Variants in KIAA1217 observed in about 807,000 individuals in gnomAD.
KIAA1217 encodes the protein KIAA1217.
Under a neutral mutation model 163.9 loss-of-function variants are expected in KIAA1217, and 88 were observed. The observed-to-expected ratio is 0.54, with a 90% confidence interval of 0.45 to 0.64. The LOEUF (loss-of-function observed/expected upper bound fraction) is 0.64, where lower values mean the gene tolerates loss of function less well. KIAA1217 is among the 30% of genes least tolerant of loss of function. The pLI is 0.00. For synonymous variants in KIAA1217, 903 were observed against 923.1 expected (o/e 0.98, Z 0.39); for missense variants, 2,372 against 2,475.0 (o/e 0.96, Z 0.88).
intron 8 of KIAA1217, among the ~76,000 whole-genome samples, chr10:24,499,687 A>G (rs1262920515): frequency 6.6e-6 from 1 of 151,542 alleles, no homozygotes; most frequent in African/African-American, 2.4e-5. Flanking sequence ...AGCCAAGATC[A>G]TGCCACTGCA....
At chr10:24,499,434 G>A (rs2067230132) in intron 8 of KIAA1217, among the ~76,000 whole-genome samples, 1 of 152,186 alleles carries the variant, frequency 6.6e-6, no homozygotes, top group Non-Finnish European at 1.5e-5. Context: ...GACCATTTAG[G>A]CTTAGAAACA....
chr10:24,533,208 G>A lies in KIAA1217; in HGVS notation c.3385G>A (p.Glu1129Lys), dbSNP rs745763445. 5.6e-6 allele frequency: 9 copies of A among 1,613,036 alleles called. No homozygotes were observed. The East Asian group carries it at 1.6e-4, about 28-fold the overall frequency. Residue 1129 changes from glutamate (E) to lysine (K), a missense_variant, in exon 16 of 21, where the codon GAA (glutamate) becomes AAA (lysine). Transcript: ENST00000376454. ...SSKDEEEEEE[E>K]GDKIMAELQA... ...AAAGGATGAGGAGGAAGAAGAAGAA[G>A]AAGGAGACAAAATAATGGCAGAACT...
At chr10:23,733,166 A>G (rs984791117) in intron 1 of KIAA1217, among the ~76,000 whole-genome samples, 1 of 151,952 alleles carries the variant, frequency 6.6e-6, no homozygotes, top group African/African-American at 2.4e-5. Flanking sequence ...GATGCCCGCC[A>G]CCACACCCGG....
At chr10:23,781,178 C>A (rs999530245) in intron 1 of KIAA1217, among the ~76,000 whole-genome samples, 2 of 152,150 alleles carry the variant, frequency 1.3e-5, no homozygotes, top group African/African-American at 4.8e-5. Context: ...TTTTGAGGAA[C>A]CTCTAAACTG....
At chr10:24,196,920 C>A (rs1419956145) in intron 2 of KIAA1217, among the ~76,000 whole-genome samples, 1 of 152,126 alleles carries the variant, frequency 6.6e-6, no homozygotes, top group African/African-American at 2.4e-5. Context: ...GAGTTGGTTG[C>A]CTTTATTTAC....
At chr10:24,006,324 AC>A (rs1184197592) in intron 1 of KIAA1217, among the ~76,000 whole-genome samples, 3 of 152,190 alleles carry the variant, frequency 2.0e-5, no homozygotes, top group African/African-American at 7.2e-5. Context: ...GTGTTCAATT[AC>A]CTTTTTCCAT....
At chr10:23,718,598 C>T (rs1466871309) in intron 1 of KIAA1217, among the ~76,000 whole-genome samples, 5 of 148,900 alleles carry the variant, frequency 3.4e-5, no homozygotes, top group South Asian at 2.1e-4. Flanking sequence ...TATTGTGATA[C>T]GGAATAAATT....
intron 1 of KIAA1217, among the ~76,000 whole-genome samples, chr10:23,868,671 A>T (rs1484124221): frequency 6.6e-6 from 1 of 151,990 alleles, no homozygotes; most frequent in Non-Finnish European, 1.5e-5. Context: ...CTTGTGACCA[A>T]CCTCTAGGAC....
chr10:24,525,185 C>A (rs2071938240), intron 13 of KIAA1217, among the ~76,000 whole-genome samples: 1 of 152,174 alleles, frequency 6.6e-6, no homozygotes, highest in African/African-American at 2.4e-5. Context: ...TGACATGACA[C>A]CACTACTGCT....
intron 2 of KIAA1217, among the ~76,000 whole-genome samples, chr10:24,240,555 A>C (rs775486559): frequency 2.0e-5 from 3 of 152,172 alleles, no homozygotes; most frequent in Admixed American, 1.3e-4. Flanking sequence ...CCAACATCGG[A>C]AGTTCTGGGC....
Position 23,790,378 on chromosome 10 carries a change from T to C in KIAA1217, c.-321+95144T>C, listed in dbSNP as rs368668763. Among the ~76,000 whole-genome samples the C allele has an allele frequency of 1.2e-3, 100 of 86,250 alleles. 19 individuals are homozygous for C. The highest frequency in any genetic ancestry group is 6.4e-3 in the South Asian group (20 of 3,146). The allele number at this position is 86,250 out of a possible 152,430, so 56.6% of individuals were successfully genotyped here. ...ATATGCATATATACATATACATATGTATATATACATATGTATATATACATA... is the reference window on the plus strand; with the variant it reads ...ATATGCATATATACATATACATATGCATATATACATATGTATATATACATA... On this transcript the variant is annotated intron_variant, in intron 1 of 18. Coordinates refer to the KIAA1217 transcript ENST00000376462.
chr10:24,271,602 A>G (rs2131972760), intron 2 of KIAA1217, among the ~76,000 whole-genome samples: 1 of 152,108 alleles, frequency 6.6e-6, no homozygotes, highest in Non-Finnish European at 1.5e-5. Context: ...AATTATAATA[A>G]TTAGCCAGGC....
At chr10:23,799,129 T>A (rs2130952270) in intron 1 of KIAA1217, among the ~76,000 whole-genome samples, 1 of 152,286 alleles carries the variant, frequency 6.6e-6, no homozygotes, top group Admixed American at 6.5e-5. Flanking sequence ...CATGGTGTTC[T>A]CCCTGTATGT....
rs2071183939 is a variant in KIAA1217, at chr10:24,521,047, T to TTG, written c.2309-734_2309-733insGT. On this transcript the variant is annotated intron_variant, in intron 11 of 20. Coordinates refer to ENST00000376454, the MANE Select transcript of KIAA1217 (RefSeq NM_019590.5). ...TCTCTAAAAAAAAAAAAAAAGTTTT[T>TTG]TTTTTTTTTTTTTTCTGGCCAGGCG... Among the ~76,000 whole-genome samples, 2 of 145,592 alleles carry TTG rather than the reference T, an allele frequency of 1.4e-5. 1 individual carries two copies.
At chr10:23,840,580 T>A (rs1039759577) in intron 1 of KIAA1217, among the ~76,000 whole-genome samples, 1 of 152,210 alleles carries the variant, frequency 6.6e-6, no homozygotes, top group Admixed American at 6.5e-5. Flanking sequence ...AGTTATAGAA[T>A]GTGGTTTAAT....
At chr10:24,153,763 C>A (rs149119149) in intron 2 of KIAA1217, among the ~76,000 whole-genome samples, 59 of 152,218 alleles carry the variant, frequency 3.9e-4, no homozygotes, top group African/African-American at 1.4e-3. Context: ...GCCAGTGACT[C>A]TTAGTTGCAT....
chr10:23,723,870 A>G (rs1837994678), intron 1 of KIAA1217, among the ~76,000 whole-genome samples: 1 of 152,180 alleles, frequency 6.6e-6, no homozygotes, highest in African/African-American at 2.4e-5. Flanking sequence ...CTGGTAATTT[A>G]TAAAGAAAAG....
chr10:23,799,996 T>G lies in KIAA1217; in HGVS notation c.-321+104762T>G, dbSNP rs151116033. ...TCTTTTGCCTCGCCTGTATAATATTTTTCTGGGAACAATTTTGTTTGCTTT... is the reference window on the plus strand; with the variant it reads ...TCTTTTGCCTCGCCTGTATAATATTGTTCTGGGAACAATTTTGTTTGCTTT... On this transcript the variant is annotated intron_variant, in intron 1 of 18. Transcript: ENST00000376462. 1.2e-3 allele frequency among the ~76,000 whole-genome samples: 178 copies of G among 152,308 alleles called. 13 individuals are homozygous for G. In the East Asian group the frequency reaches 0.028, roughly 24 times the overall value.
chr10:24,231,270 C>T (rs374297194), intron 2 of KIAA1217, among the ~76,000 whole-genome samples: 1 of 152,100 alleles, frequency 6.6e-6, no homozygotes. Context: ...GAGCAGTGAT[C>T]GTACCACTGC....
Sources: gnomAD v4.1 joint callset for allele counts (sites outside exome capture counted in the v4.1 genomes callset) on GRCh38, gnomAD v4.1.1 for gene constraint, MANE v1.5 for transcripts, NCBI Gene and HGNC (gene_info 2026-07-23, HGNC 2026-07-21) for gene names.